The following ASXL3 variants were observed in gnomAD, a reference collection of about 807,000 sequenced individuals.
The protein encoded by ASXL3 is ASXL transcriptional regulator 3, also known as putative Polycomb group protein ASXL3.
In ASXL3, 34 loss-of-function variants were observed where a neutral mutation model predicts 170.6. That is an observed-to-expected ratio of 0.20 (90% CI 0.15 to 0.27). ASXL3 has a LOEUF of 0.27. Among genes scored for constraint, ASXL3 ranks in the 10% least tolerant of loss-of-function variants. The pLI is 1.00. For missense variants in ASXL3, 2,592 were observed against 2,695.3 expected, an observed-to-expected ratio of 0.96 and a Z score of 0.85; for synonymous variants, 1,002 against 989.1, an observed-to-expected ratio of 1.01 and a Z score of -0.24.
In ASXL3 at chr18:33,743,073, T is replaced by G. The variant is rs1340043300; in HGVS notation, c.3225T>G (p.Ala1075=). The change falls in exon 12 of 12, where the codon GCT becomes GCG. Residue 1075 remains alanine, a synonymous_variant. Transcript: ENST00000269197. ...AGCGAGAGGCTGCTGCAGCTGCTGCTGTGGCTGCTGCAGCGAGCATTGTCT... is the reference window on the plus strand; with the variant it reads ...AGCGAGAGGCTGCTGCAGCTGCTGCGGTGGCTGCTGCAGCGAGCATTGTCT... ...RAQREAAAAA[A]VAAAASIVSG... The G allele has an allele frequency of 7.4e-6, 12 of 1,612,576 alleles. No homozygotes were observed. In the East Asian group the frequency reaches 2.5e-4, roughly 33 times the overall value.
intron 2 of ASXL3, 124 bp downstream of exon 2, chr18:33,607,800 C>T (rs1227757898): frequency 2.7e-6 from 2 of 749,930 alleles, no homozygotes; most frequent in African/African-American, 3.6e-5. Context: ...CCCACAAATT[C>T]TTTCTAATTA....
chr18:33,699,754 C>A (rs2066838183), intron 8 of ASXL3, among the ~76,000 whole-genome samples: 1 of 151,998 alleles, frequency 6.6e-6, no homozygotes, highest in Non-Finnish European at 1.5e-5. Context: ...TATTTTGAGG[C>A]CACTGTTCTT....
intron 1 of ASXL3, among the ~76,000 whole-genome samples, chr18:33,588,517 C>G (rs2065052555): frequency 6.6e-6 from 1 of 151,998 alleles, no homozygotes; most frequent in Non-Finnish European, 1.5e-5. Flanking sequence ...GCTGTGGGCA[C>G]TAATATCATC....
At chr18:33,723,233 G>T (rs960174367) in intron 8 of ASXL3, among the ~76,000 whole-genome samples, 3 of 152,102 alleles carry the variant, frequency 2.0e-5, no homozygotes, top group African/African-American at 7.2e-5. Context: ...CTAAGGCTGT[G>T]GCTGCCATAG....
intron 8 of ASXL3, among the ~76,000 whole-genome samples, chr18:33,721,924 T>C (rs2067267519): frequency 6.6e-6 from 1 of 151,986 alleles, no homozygotes; most frequent in Non-Finnish European, 1.5e-5. Context: ...CTCATAATAT[T>C]TCAAGCATTT....
intron 7 of ASXL3, among the ~76,000 whole-genome samples, chr18:33,673,842 G>T (rs2066386145): frequency 3.3e-5 from 5 of 152,196 alleles, no homozygotes; most frequent in Admixed American, 3.3e-4. Flanking sequence ...TGTTGCTGAA[G>T]TATTTCCGCT....
chr18:33,723,056 T>A (rs546743124), intron 8 of ASXL3, among the ~76,000 whole-genome samples: 1 of 152,270 alleles, frequency 6.6e-6, no homozygotes, highest in East Asian at 1.9e-4. Context: ...AATATTCTTT[T>A]CAAAATATTA....
intron 7 of ASXL3, among the ~76,000 whole-genome samples, chr18:33,678,241 G>C (rs1380345674): frequency 6.6e-6 from 1 of 152,054 alleles, no homozygotes; most frequent in African/African-American, 2.4e-5. Flanking sequence ...CTGTTTTTCA[G>C]AATCATTCCT....
At chr18:33,718,340 A>G (rs1236521284) in intron 8 of ASXL3, among the ~76,000 whole-genome samples, 2 of 152,154 alleles carry the variant, frequency 1.3e-5, no homozygotes, top group African/African-American at 4.8e-5. Context: ...CAACTGATAA[A>G]GAAAGGAGCA....
intron 7 of ASXL3, among the ~76,000 whole-genome samples, chr18:33,678,215 A>G (rs2066460489): frequency 6.6e-6 from 1 of 152,160 alleles, no homozygotes; most frequent in African/African-American, 2.4e-5. Flanking sequence ...GGAATGAGCC[A>G]CTACACCTAG....
chr18:33,600,541 TATC>T (rs2065174075), intron 1 of ASXL3, among the ~76,000 whole-genome samples: 1 of 152,112 alleles, frequency 6.6e-6, no homozygotes, highest in Non-Finnish European at 1.5e-5. Context: ...AAGTTTTACA[TATC>T]ATTATTTAAA....
rs1209176522 is a variant in ASXL3, at chr18:33,739,407, C to G, written c.2003C>G (p.Thr668Ser). ...GACAAATACAACCAGAGAAATTCCA[C>G]TGATGAAAACTTTCATGCATCTTTG... ...NTDKYNQRNS[T>S]DENFHASLMS... Residue 668 changes from threonine (T) to serine (S), a missense_variant, in exon 11 of 12, where the codon ACT becomes AGT. Physicochemically the swap from Thr to Ser is moderately conservative, Grantham distance 58. Transcript: ENST00000269197. 1.9e-6 allele frequency: 3 copies of G among 1,613,866 alleles called. No homozygotes were observed. The highest frequency in any genetic ancestry group is 1.7e-5 in the Admixed American group (1 of 60,006).
At chr18:33,699,210 A>G (rs1395205576) in intron 8 of ASXL3, among the ~76,000 whole-genome samples, 1 of 152,300 alleles carries the variant, frequency 6.6e-6, no homozygotes, top group Non-Finnish European at 1.5e-5. Flanking sequence ...AAATGCTCTG[A>G]TGTTAGATTG....
rs758196588 is a variant in ASXL3 at position 33,746,018 on chromosome 18, C to T, written c.6170C>T (p.Pro2057Leu). 2 of 1,597,884 alleles carry T rather than the reference C, an allele frequency of 1.3e-6. No homozygotes were observed. Among genetic ancestry groups the T allele is most frequent in the Non-Finnish European group, 8.5e-7 (1 of 1,171,244 alleles). The change falls in exon 12 of 12, where the codon CCT becomes CTT. Residue 2057 changes from proline to leucine, a missense_variant. By Grantham distance (98) the Pro-to-Leu change is moderately conservative (BLOSUM62 -3). Coordinates refer to ENST00000269197, the MANE Select transcript of ASXL3 (RefSeq NM_030632.3). The stretch of plus-strand genomic sequence containing the variant: ...GAAGTCCCATCTGATCAAAAACAAC[C>T]TCCAGTTACCATGGAAACCACTAAG... ...NAEVPSDQKQ[P>L]PVTMETTKRL...
At chr18:33,592,172 C>T (rs1049020440) in intron 1 of ASXL3, among the ~76,000 whole-genome samples, 11 of 152,026 alleles carry the variant, frequency 7.2e-5, no homozygotes, top group African/African-American at 2.7e-4. Context: ...AAGGTATCAT[C>T]TAGAGAAATG....
chr18:33,584,427 CAAAG>C (rs2065018861), intron 1 of ASXL3, among the ~76,000 whole-genome samples: 1 of 152,016 alleles, frequency 6.6e-6, no homozygotes, highest in Non-Finnish European at 1.5e-5. Flanking sequence ...CTTGCACACA[CAAAG>C]AAGCACAAAA....
intron 2 of ASXL3, among the ~76,000 whole-genome samples, chr18:33,609,369 TG>T (rs898678425): frequency 6.6e-6 from 1 of 151,994 alleles, no homozygotes; most frequent in African/African-American, 2.4e-5. Context: ...AGCAGACGTT[TG>T]AAATTCGTTC....
intron 11 of ASXL3, 29 bp downstream of exon 11, chr18:33,740,472 T>C: frequency 6.7e-7 from 1 of 1,490,696 alleles, no homozygotes; most frequent in East Asian, 2.3e-5. Context: ...AAAAGGCAAT[T>C]CCGTAGATAG....
chr18:33,638,166 T>G (rs1417737622), intron 2 of ASXL3, among the ~76,000 whole-genome samples: 2 of 150,298 alleles, frequency 1.3e-5, no homozygotes, highest in Non-Finnish European at 3.0e-5. Context: ...ACATAGTGTG[T>G]GTATATATAT....
Sources: gnomAD v4.1 joint callset for allele counts (sites outside exome capture counted in the v4.1 genomes callset) on GRCh38, gnomAD v4.1.1 for gene constraint, MANE v1.5 for transcripts, NCBI Gene and HGNC (gene_info 2026-07-23, HGNC 2026-07-21) for gene names.